Variants in NUP62 observed in about 807,000 individuals in gnomAD.
NUP62 encodes nuclear pore glycoprotein p62.
For synonymous variants in NUP62, 305 were observed against 303.4 expected, an observed-to-expected ratio of 1.01 and a Z score of -0.05; for missense variants, 647 against 689.4, an observed-to-expected ratio of 0.94 and a Z score of 0.69.
At chr19:49,923,941 C>T (rs770849706) in intron 2 of NUP62, among the ~76,000 whole-genome samples, 2 of 152,254 alleles carry the variant, frequency 1.3e-5, no homozygotes, top group African/African-American at 2.4e-5. Flanking sequence ...AGGACCAGAA[C>T]CCCGGTCTGT....
chr19:49,909,776 G>A lies in NUP62; in HGVS notation c.32C>T (p.Ala11Val), dbSNP rs781692939. 1 of 1,614,128 alleles carries A rather than the reference G, an allele frequency of 6.2e-7. No homozygotes were observed. Among genetic ancestry groups the A allele is most frequent in the Non-Finnish European group, 8.5e-7 (1 of 1,180,018 alleles). Residue 11 changes from alanine to valine, a missense_variant, in exon 3 of 3, where the codon GCC becomes GTC. Physicochemically the swap from Ala to Val is moderately conservative, Grantham distance 64. Coordinates refer to ENST00000352066, the MANE Select transcript of NUP62 (RefSeq NM_016553.5). MSGFNFGGTG[A>V]PTGGFTFGTA... ...GCCAAACGTGAACCCGCCTGTAGGGGCCCCAGTGCCTCCAAAATTAAACCC... is the reference window on the plus strand; with the variant it reads ...GCCAAACGTGAACCCGCCTGTAGGGACCCCAGTGCCTCCAAAATTAAACCC...
At position 49,909,068 on chromosome 19, in the gene NUP62, C is replaced by A. The variant is rs750408243; in HGVS notation, c.740G>T (p.Gly247Val). The change falls in exon 3 of 3, where the codon GGC (glycine) becomes GTC (valine). Residue 247 changes from glycine (G) to valine (V), a missense_variant. By Grantham distance (109) the Gly-to-Val change is moderately radical. Coordinates refer to ENST00000352066, the MANE Select transcript of NUP62 (RefSeq NM_016553.5). ...LSLCTPVTTA[G>V]APTAGTQGFS... ...GCCCTGTGTCCCAGCAGTGGGGGCG[C>A]CCGCTGTGGTCACAGGGGTACAGAG... 4 of 1,612,690 alleles carry A rather than the reference C, an allele frequency of 2.5e-6. No homozygotes were observed. The Admixed American group carries it at 5.0e-5, about 20-fold the overall frequency.
chr19:49,917,800 G>A (rs1274399843), intron 2 of NUP62: 1 of 152,302 alleles, frequency 6.6e-6, no homozygotes, highest in Non-Finnish European at 1.5e-5. Flanking sequence ...GCAGGCCGAG[G>A]TGGGTGGATT....
intron 2 of NUP62, among the ~76,000 whole-genome samples, chr19:49,912,263 G>A (rs916559407): frequency 2.7e-5 from 4 of 146,874 alleles, no homozygotes; most frequent in Admixed American, 7.0e-5. Context: ...TCCGCTTCCC[G>A]GGTTCAAGCG....
At position 49,909,314 on chromosome 19, in the gene NUP62, G is replaced by A. The variant is rs138821729; in HGVS notation, c.494C>T (p.Thr165Met). Residue 165 changes from threonine to methionine, a missense_variant, in exon 3 of 3, where the codon ACG becomes ATG. Transcript: ENST00000352066. The stretch of plus-strand genomic sequence containing the variant: ...AATGTTGAAACCGGAGGGTTGGGCC[G>A]TGCTTCCACCAGTGAATGAGAAGCC... Reference protein sequence around the residue: ...SGGFSFTGGSTAQPSGFNIGS... With the variant: ...SGGFSFTGGSMAQPSGFNIGS... 1.7e-4 allele frequency: 282 copies of A among 1,614,000 alleles called. 1 individual carries two copies. The African/African-American group carries it at 3.3e-3, about 19-fold the overall frequency.
Position 49,909,572 on chromosome 19 carries a change from G to A in NUP62, c.236C>T (p.Ala79Val), listed in dbSNP as rs560840531. Residue 79 changes from alanine (A) to valine (V), a missense_variant, in exon 3 of 3, where the codon GCG (alanine) becomes GTG (valine). Coordinates refer to ENST00000352066, the MANE Select transcript of NUP62 (RefSeq NM_016553.5). ...TQTTGFTFGT[A>V]TLASGGTGFS... ...TCCAGTTCCCCCCGAAGCAAGAGTC[G>A]CTGTTCCAAAAGTGAAGCCTGTCGT... is the stretch of plus-strand genomic sequence containing the variant. The A allele has an allele frequency of 1.1e-5, 17 of 1,614,150 alleles. No individual in the cohort carries two copies. Among genetic ancestry groups the A allele is most frequent in the East Asian group, 8.9e-5 (4 of 44,882 alleles).
rs2075414313 is a variant in NUP62, at chr19:49,909,728, G to A, written c.80C>T (p.Thr27Ile). 1 of 1,614,162 alleles carries A rather than the reference G, an allele frequency of 6.2e-7. No homozygotes were observed. Among genetic ancestry groups the A allele is most frequent in the Non-Finnish European group, 8.5e-7 (1 of 1,180,034 alleles). The change falls in exon 3 of 3, where the codon ACA becomes ATA. Residue 27 changes from threonine to isoleucine, a missense_variant. Coordinates refer to ENST00000352066, the MANE Select transcript of NUP62 (RefSeq NM_016553.5). ...GGAGAAAGAAAACCCTGTAGCAGGT[G>A]TGGTTGTTGCCGTCTTTGCAGTGCC... ...TFGTAKTATT[T>I]PATGFSFSTS...
intron 2 of NUP62, among the ~76,000 whole-genome samples, chr19:49,926,254 T>C (rs2075886259): frequency 1.6e-5 from 2 of 123,122 alleles, no homozygotes; most frequent in Non-Finnish European, 3.4e-5. Flanking sequence ...TAAGACTGGG[T>C]GTGGTGGCTC....
At position 49,908,198 on chromosome 19, in the gene NUP62, T is replaced by C. The variant is rs1180647216; in HGVS notation, c.*41A>G. The C allele has an allele frequency of 1.9e-6, 3 of 1,606,268 alleles. No individual in the cohort carries two copies. Among genetic ancestry groups the C allele is most frequent in the Non-Finnish European group, 2.5e-6 (3 of 1,178,728 alleles). On this transcript the variant is annotated 3_prime_UTR_variant, in exon 3 of 3. Coordinates refer to ENST00000352066, the MANE Select transcript of NUP62 (RefSeq NM_016553.5). ...CAGACAACAGGGCGCATTCCCCTCA[T>C]GAACTCCCTAGGGACCTGCGGGCCC...
At chr19:49,922,406 C>T (rs180834605) in intron 2 of NUP62, among the ~76,000 whole-genome samples, 1 of 152,244 alleles carries the variant, frequency 6.6e-6, no homozygotes, top group East Asian at 1.9e-4. Flanking sequence ...TAGGCCTCCT[C>T]CTCTGCTCCC....
chr19:49,909,548 C>T lies in NUP62; in HGVS notation c.260G>A (p.Gly87Glu). 1 of 1,614,140 alleles carries T rather than the reference C, an allele frequency of 6.2e-7. No homozygotes were observed. Among genetic ancestry groups the T allele is most frequent in the Middle Eastern group, 1.6e-4 (1 of 6,062 alleles). Residue 87 changes from glycine (G) to glutamate (E), a missense_variant, in exon 3 of 3, where the codon GGA (glycine) becomes GAA (glutamate). Gly to Glu is a moderately conservative substitution (Grantham distance 98). Coordinates refer to ENST00000352066, the MANE Select transcript of NUP62 (RefSeq NM_016553.5). ...TGAAGCACCGATCCCCAAAGAAAAT[C>T]CAGTTCCCCCCGAAGCAAGAGTCGC... ...GTATLASGGT[G>E]FSLGIGASKL...
Position 49,907,761 on chromosome 19 carries a change from C to T in NUP62, c.*478G>A. The T allele has an allele frequency of 3.0e-6, 1 of 334,948 alleles. No individual in the cohort carries two copies. The highest frequency in any genetic ancestry group is 8.8e-5 in the East Asian group (1 of 11,398). The allele number at this position is 334,948 out of a possible 1,614,324, so 20.7% of individuals were successfully genotyped here. A position where few individuals can be genotyped will look rare whatever the true frequency, so the allele number is the denominator to read the frequency against. ...ATGTTGGCCAGGCTGGTCTCGAACTCCTGACCTCAAGTCATCTGCCCGCCT... is the reference window on the plus strand; with the variant it reads ...ATGTTGGCCAGGCTGGTCTCGAACTTCTGACCTCAAGTCATCTGCCCGCCT... On this transcript the variant is annotated 3_prime_UTR_variant, in exon 3 of 3. Transcript: ENST00000352066.
chr19:49,925,323 C>T (rs148441365), intron 2 of NUP62, among the ~76,000 whole-genome samples: 480 of 151,942 alleles, frequency 3.2e-3, no homozygotes, highest in Admixed American at 7.9e-3. Flanking sequence ...CACAGTGGCT[C>T]AGGCTTGTAA....
At position 49,908,351 on chromosome 19, in the gene NUP62, T is replaced by C. The variant is rs1019173023; in HGVS notation, c.1457A>G (p.Gln486Arg). Residue 486 changes from glutamine (Q) to arginine (R), a missense_variant, in exon 3 of 3, where the codon CAG becomes CGG. Transcript: ENST00000352066. ...CAGGGCCGAGTTCTGGTCGATCCACTGCAGTGAGTCCATGTGCGCATTGAG... is the reference window on the plus strand; with the variant it reads ...CAGGGCCGAGTTCTGGTCGATCCACCGCAGTGAGTCCATGTGCGCATTGAG... ...KILNAHMDSLQWIDQNSALLQ... is the reference protein window; with the variant it reads ...KILNAHMDSLRWIDQNSALLQ... 6.2e-7 allele frequency: 1 copy of C among 1,614,188 alleles called. No homozygotes were observed. Among genetic ancestry groups the C allele is most frequent in the South Asian group, 1.1e-5 (1 of 91,088 alleles).
chr19:49,912,801 A>C (rs911692200), intron 2 of NUP62: 1 of 151,890 alleles, frequency 6.6e-6, no homozygotes, highest in Non-Finnish European at 1.5e-5. Flanking sequence ...AGGGAGGTGG[A>C]GGCTGCAGTG....
chr19:49,914,726 G>GTTTTTTTTTTTTTTTTTT lies in NUP62; in HGVS notation c.-77-4860_-77-4843dup, dbSNP rs530372497. On this transcript the variant is annotated intron_variant, in intron 2 of 2. Coordinates refer to ENST00000352066, the MANE Select transcript of NUP62 (RefSeq NM_016553.5). ...GATTCTTGTGCCACTCCAAGTCCCA[G>GTTTTTTTTTTTTTTTTTT]TTTTTTTTTTTTTTTTTTTTTTTTT... 2.0e-4 allele frequency among the ~76,000 whole-genome samples: 11 copies of GTTTTTTTTTTTTTTTTTT among 56,404 alleles called. 3 individuals are homozygous for GTTTTTTTTTTTTTTTTTT. The highest frequency in any genetic ancestry group is 2.2e-4 in the Non-Finnish European group (7 of 31,322). 37.0% of individuals were successfully genotyped at this position (56,404 alleles called of 152,430 possible).
At chr19:49,913,621 T>A (rs945619843) in intron 2 of NUP62, among the ~76,000 whole-genome samples, 1 of 152,232 alleles carries the variant, frequency 6.6e-6, no homozygotes, top group African/African-American at 2.4e-5. Flanking sequence ...AGAGGAGAGC[T>A]GGAAGCTCGT....
chr19:49,922,789 G>A (rs911390260), intron 2 of NUP62, among the ~76,000 whole-genome samples: 29 of 151,866 alleles, frequency 1.9e-4, no homozygotes, highest in African/African-American at 7.0e-4. Flanking sequence ...GTGTTGCTGC[G>A]GCCCCGGTGC....
At chr19:49,915,387 T>G (rs1180579965) in intron 2 of NUP62, among the ~76,000 whole-genome samples, 1 of 152,094 alleles carries the variant, frequency 6.6e-6, no homozygotes, top group Non-Finnish European at 1.5e-5. Flanking sequence ...GCTGCTGGCT[T>G]TGAAGATGAG....
Sources: allele counts gnomAD v4.1 joint callset (sites outside exome capture counted in the v4.1 genomes callset), GRCh38; gene constraint gnomAD v4.1.1; transcripts MANE v1.5; gene names NCBI Gene and HGNC (gene_info 2026-07-23, HGNC 2026-07-21).